The following CIDEA variants were observed in gnomAD, a reference collection of about 807,000 sequenced individuals.
CIDEA encodes lipid transferase CIDEA.
A neutral mutation model predicts 18.2 loss-of-function variants in CIDEA; 10 were observed. That is an observed-to-expected ratio of 0.55 (90% CI 0.34 to 0.93). The LOEUF is 0.93. CIDEA is among the 40% of genes least tolerant of loss of function. The pLI is 0.02. For synonymous variants in CIDEA, 128 were observed against 124.8 expected (o/e 1.03, Z -0.17); for missense variants, 309 against 293.1 (o/e 1.05, Z -0.40).
rs770714096 is a variant in CIDEA, at chr18:12,275,592, G to A, written c.512+1318G>A. Among the ~76,000 whole-genome samples the A allele has an allele frequency of 2.6e-5, 4 of 152,300 alleles. 1 individual carries two copies. Among genetic ancestry groups the A allele is most frequent in the South Asian group, 4.1e-4 (2 of 4,822 alleles). On this transcript the variant is annotated intron_variant, in intron 4 of 4. Coordinates refer to ENST00000320477, the MANE Select transcript of CIDEA (RefSeq NM_001279.4). The stretch of plus-strand genomic sequence containing the variant: ...CCTGCACGTCCCTGTGGGCAGGGCC[G>A]CCCGTTTCTCTTTGAGGGTGTTGTT...
At chr18:12,276,228 A>T (rs1905329251) in intron 4 of CIDEA, among the ~76,000 whole-genome samples, 1 of 151,860 alleles carries the variant, frequency 6.6e-6, no homozygotes, top group Admixed American at 6.6e-5. Context: ...TACTGGCCTC[A>T]GGTGATCCAC....
intron 2 of CIDEA, among the ~76,000 whole-genome samples, chr18:12,263,329 C>T (rs1319229609): frequency 6.6e-6 from 1 of 152,064 alleles, no homozygotes; most frequent in African/African-American, 2.4e-5. Flanking sequence ...TACCAAAAAC[C>T]ACTGCACCGT....
intron 3 of CIDEA, among the ~76,000 whole-genome samples, chr18:12,268,660 C>T (rs1459714790): frequency 1.3e-5 from 2 of 152,114 alleles, no homozygotes; most frequent in Admixed American, 6.5e-5. Flanking sequence ...CCTCTGCCTC[C>T]CACAGTGCTG....
intron 3 of CIDEA, among the ~76,000 whole-genome samples, chr18:12,269,701 CT>C: frequency 6.6e-6 from 1 of 152,190 alleles, no homozygotes; most frequent in South Asian, 2.1e-4. Flanking sequence ...CTTTCTTTCT[CT>C]TTTTCTTTTT....
At chr18:12,263,040 G>C (rs1598776326) in intron 2 of CIDEA, 71 bp downstream of exon 2, 1 of 1,520,748 alleles carries the variant, frequency 6.6e-7, no homozygotes, top group East Asian at 2.3e-5. Context: ...CATGGTCTTG[G>C]GCTCTAAGCC....
chr18:12,263,095 G>T, intron 2 of CIDEA, 126 bp downstream of exon 2: 1 of 931,782 alleles, frequency 1.1e-6, no homozygotes, highest in Non-Finnish European at 1.6e-6. Context: ...CTCACTGGGG[G>T]GAAACGGGGA....
intron 3 of CIDEA, 64 bp from the exon 4 acceptor site, chr18:12,274,029 C>G: frequency 6.4e-7 from 1 of 1,556,322 alleles, no homozygotes; most frequent in Non-Finnish European, 8.8e-7. Context: ...GGCATAAGAG[C>G]AGAGTGATGA....
In CIDEA at chr18:12,275,993, C is replaced by CTTTTTTTTTTT. The variant is rs149108439; in HGVS notation, c.513-1128_513-1127insTTTTTTTTTTT. ...GTGAAATCTTTTTTCTTTTTCTTTTCTTATTTTTTTTCTTTTTTGAGACGG... is the reference window on the plus strand; with the variant it reads ...GTGAAATCTTTTTTCTTTTTCTTTTCTTTTTTTTTTTTTATTTTTTTTCTTTTTTGAGACGG... On this transcript the variant is annotated intron_variant, in intron 4 of 4. Coordinates refer to ENST00000320477, the MANE Select transcript of CIDEA (RefSeq NM_001279.4). 1.2e-4 allele frequency among the ~76,000 whole-genome samples: 15 copies of CTTTTTTTTTTT among 129,706 alleles called. 2 individuals carry two copies. The highest frequency in any genetic ancestry group is 2.1e-4 in the Non-Finnish European group (13 of 62,088). 85.1% of individuals were successfully genotyped at this position (129,706 alleles called of 152,430 possible). A position where few individuals can be genotyped will look rare whatever the true frequency, so the allele number is the denominator to read the frequency against.
In CIDEA at chr18:12,274,125, G is replaced by A. The variant is rs148408713; in HGVS notation, c.363G>A (p.Pro121=). 2.4e-5 allele frequency: 38 copies of A among 1,614,076 alleles called. No individual in the cohort carries two copies. The highest frequency in any genetic ancestry group is 1.3e-4 in the African/African-American group (10 of 74,932). The change falls in exon 4 of 5, where the codon CCG becomes CCA. Residue 121 remains proline, a synonymous_variant. Coordinates refer to ENST00000320477, the MANE Select transcript of CIDEA (RefSeq NM_001279.4). ...AGCACGTCCCCACTTGCTCGCCGCC[G>A]AAGAGGTCGGGAATAGCGAGAGTCA... ...GSQHVPTCSP[P]KRSGIARVTF... is the part of the protein sequence containing the mutation.
chr18:12,271,445 C>T (rs561503055), intron 3 of CIDEA, among the ~76,000 whole-genome samples: 1 of 152,236 alleles, frequency 6.6e-6, no homozygotes, highest in South Asian at 2.1e-4. Flanking sequence ...CCCCGCAGCC[C>T]CCACGGCGGC....
At chr18:12,263,648 A>G (rs973773584) in intron 2 of CIDEA, 14 of 152,238 alleles carry the variant, frequency 9.2e-5, no homozygotes, top group African/African-American at 3.1e-4. Context: ...TTTGGTTGTA[A>G]AGGCCAGGAT....
intron 3 of CIDEA, among the ~76,000 whole-genome samples, chr18:12,265,815 A>C (rs1337872912): frequency 6.6e-6 from 1 of 152,074 alleles, no homozygotes; most frequent in Admixed American, 6.6e-5. Flanking sequence ...GAACGTAAGG[A>C]CTCAGGCACC....
chr18:12,259,990 C>T (rs905968128), intron 1 of CIDEA, among the ~76,000 whole-genome samples: 4 of 152,312 alleles, frequency 2.6e-5, no homozygotes, highest in African/African-American at 4.8e-5. Context: ...ATACTCCAGA[C>T]CAAATTCTTG....
At position 12,277,534 on chromosome 18, in the gene CIDEA, T is replaced by A; in HGVS notation, c.*264T>A. The A allele has an allele frequency of 2.2e-6, 1 of 448,338 alleles. No homozygotes were observed. Among genetic ancestry groups the A allele is most frequent in the African/African-American group, 2.0e-5 (1 of 51,126 alleles). The allele number at this position is 448,338 out of a possible 1,614,324, so 27.8% of individuals were successfully genotyped here. On this transcript the variant is annotated 3_prime_UTR_variant, in exon 5 of 5. Coordinates refer to ENST00000320477, the MANE Select transcript of CIDEA (RefSeq NM_001279.4). The stretch of plus-strand genomic sequence containing the variant: ...GCAGGCGTGCCCAGGAGCGTGTGCA[T>A]GTGTCAGAGCCATTTGGTCCATCAT...
At position 12,270,688 on chromosome 18, in the gene CIDEA, C is replaced by CA. The variant is rs68102741; in HGVS notation, c.331-3377dup. Among the ~76,000 whole-genome samples, 197 of 72,792 alleles carry CA rather than the reference C, an allele frequency of 2.7e-3. 31 individuals are homozygous for CA. The highest frequency in any genetic ancestry group is 0.015 in the African/African-American group (175 of 11,918). The allele number at this position is 72,792 out of a possible 152,430, so 47.8% of individuals were successfully genotyped here. A position where few individuals can be genotyped will look rare whatever the true frequency, so the allele number is the denominator to read the frequency against. ...GGCGACAGAGCAAGACTCCGTCTCACAAAAAAAAAAAAAAAAAAAAAAAAA... is the reference window on the plus strand; with the variant it reads ...GGCGACAGAGCAAGACTCCGTCTCACAAAAAAAAAAAAAAAAAAAAAAAAAA... On this transcript the variant is annotated intron_variant, in intron 3 of 4. Coordinates refer to ENST00000320477, the MANE Select transcript of CIDEA (RefSeq NM_001279.4).
intron 1 of CIDEA, among the ~76,000 whole-genome samples, chr18:12,258,952 C>A (rs1458446150): frequency 6.6e-6 from 1 of 152,202 alleles, no homozygotes; most frequent in African/African-American, 2.4e-5. Context: ...ACCGCCCTCT[C>A]CCCCCGGGTC....
Position 12,267,632 on chromosome 18 carries a change from C to T in CIDEA, c.330+3179C>T, listed in dbSNP as rs117245895. ...CCTCAGCCTCCCAAGTAGCTGGGAT[C>T]ACAGGCAAGCCACCACCACGCCTGG... On this transcript the variant is annotated intron_variant, in intron 3 of 4. Transcript: ENST00000320477. 4.5e-3 allele frequency among the ~76,000 whole-genome samples: 684 copies of T among 151,894 alleles called. 3 individuals are homozygous for T. Among genetic ancestry groups the T allele is most frequent in the Non-Finnish European group, 8.2e-3 (559 of 67,910 alleles).
intron 4 of CIDEA, among the ~76,000 whole-genome samples, chr18:12,275,914 A>G (rs887804676): frequency 6.6e-6 from 1 of 152,126 alleles, no homozygotes; most frequent in African/African-American, 2.4e-5. Context: ...GAGAGTTACA[A>G]CAACTGAAAA....
intron 1 of CIDEA, among the ~76,000 whole-genome samples, chr18:12,256,537 A>C (rs1017914164): frequency 9.9e-5 from 15 of 152,238 alleles, no homozygotes; most frequent in South Asian, 2.1e-4. Context: ...GTTGACTATC[A>C]CAGACAAAGT....
Sources: allele counts gnomAD v4.1 joint callset (sites outside exome capture counted in the v4.1 genomes callset), GRCh38; gene constraint gnomAD v4.1.1; transcripts MANE v1.5; gene names NCBI Gene and HGNC (gene_info 2026-07-23, HGNC 2026-07-21).